Variants in FMN2 observed in about 807,000 individuals in gnomAD.
FMN2 encodes formin 2, also known as formin-2.
FMN2 carries 51 observed loss-of-function variants against 142.3 expected under a neutral mutation model. The observed-to-expected ratio is 0.36, with a 90% CI of 0.29 to 0.45. FMN2 has a LOEUF of 0.45. FMN2 is among the 20% of genes least tolerant of loss of function. The pLI is 1.00. For missense variants in FMN2, 1,936 were observed against 2,122.8 expected (o/e 0.91, Z 1.73); for synonymous variants, 882 against 869.8 (o/e 1.01, Z -0.25).
chr1:240,305,982 C>T (rs1670379469), intron 8 of FMN2, among the ~76,000 whole-genome samples: 2 of 139,758 alleles, frequency 1.4e-5, no homozygotes, highest in African/African-American at 2.8e-5. Flanking sequence ...TGAAATCTTG[C>T]TCTGTCACCC....
At chr1:240,122,707 A>G (rs537733106) in intron 1 of FMN2, among the ~76,000 whole-genome samples, 6 of 152,238 alleles carry the variant, frequency 3.9e-5, no homozygotes, top group African/African-American at 1.4e-4. Flanking sequence ...GCTTAAGCCC[A>G]GGAGTTTGAG....
In FMN2 at chr1:240,098,097, ATTTTTTTTT is replaced by A. The variant is rs35191164; in HGVS notation, c.1615+4386_1615+4394del. 7.5e-4 allele frequency among the ~76,000 whole-genome samples: 74 copies of A among 98,676 alleles called. 1 individual carries two copies. The highest frequency in any genetic ancestry group is 3.3e-3 in the African/African-American group (73 of 21,858). The allele number at this position is 98,676 out of a possible 152,430, so 64.7% of individuals were successfully genotyped here. Reference sequence around the variant, plus strand: ...TTGGCCTTTCTAAAGGTTATCTTGAATTTTTTTTTTTTTTTTTTTTTGGAGACAGATTTC... The same window carrying A: ...TTGGCCTTTCTAAAGGTTATCTTGAATTTTTTTTTTTTGGAGACAGATTTC... On this transcript the variant is annotated intron_variant, in intron 1 of 17. Coordinates refer to ENST00000319653, the MANE Select transcript of FMN2 (RefSeq NM_020066.5).
At chr1:240,124,940 A>T (rs1662440218) in intron 2 of FMN2, among the ~76,000 whole-genome samples, 1 of 152,154 alleles carries the variant, frequency 6.6e-6, no homozygotes. Flanking sequence ...TGCTGGGATT[A>T]CAGGCGTGAG....
Position 240,092,840 on chromosome 1 carries a change from G to T in FMN2, c.731G>T (p.Gly244Val). The change falls in exon 1 of 18, where the codon GGG (glycine) becomes GTG (valine). Residue 244 changes from glycine (G) to valine (V), a missense_variant. Gly to Val is a moderately radical substitution (Grantham distance 109). This residue lies in a region of FMN2 where 751 missense variants were observed against 791.8 expected (regional missense o/e 0.95). Transcript: ENST00000319653. ...CCCACTGCCGTCTCCCCTCAGCCCG[G>T]GGCCTTCCTGGGCCTGGACCGGTTC... is the stretch of plus-strand genomic sequence containing the variant. Reference protein sequence around the residue: ...APPTAVSPQPGAFLGLDRFLL... With the variant: ...APPTAVSPQPVAFLGLDRFLL... The T allele has an allele frequency of 6.4e-7, 1 of 1,553,058 alleles. No homozygotes were observed. The highest frequency in any genetic ancestry group is 8.7e-7 in the Non-Finnish European group (1 of 1,151,472).
At position 240,432,218 on chromosome 1, in the gene FMN2, T is replaced by G. The variant is rs573267503; in HGVS notation, c.4911-5843T>G. Among the ~76,000 whole-genome samples, 81 of 152,106 alleles carry G rather than the reference T, an allele frequency of 5.3e-4. 1 individual carries two copies. The highest frequency in any genetic ancestry group is 8.3e-4 in the South Asian group (4 of 4,826). ...GGGTACTTATATTTTCTGTTTCTTT[T>G]GTCAGTTTTAGAAAGTTCTGTTGTT... On this transcript the variant is annotated intron_variant, in intron 15 of 17. Coordinates refer to ENST00000319653, the MANE Select transcript of FMN2 (RefSeq NM_020066.5).
chr1:240,416,683 G>A (rs1674586917), intron 15 of FMN2, among the ~76,000 whole-genome samples: 1 of 151,298 alleles, frequency 6.6e-6, no homozygotes, highest in Admixed American at 6.6e-5. Context: ...TTTGTAGCCA[G>A]TCTTTTAGGA....
intron 15 of FMN2, among the ~76,000 whole-genome samples, chr1:240,424,532 T>C (rs115449988): frequency 0.01 from 1,579 of 152,320 alleles, 26 homozygotes; most frequent in African/African-American, 0.037. Flanking sequence ...TTAACTTCTC[T>C]GTATGAAGAA....
chr1:240,468,296 A>G (rs1281510063), intron 16 of FMN2, among the ~76,000 whole-genome samples: 4 of 152,046 alleles, frequency 2.6e-5, no homozygotes, highest in Non-Finnish European at 4.4e-5. Flanking sequence ...ACACATATAC[A>G]TATGCACACA....
At chr1:240,205,872 G>A (rs546095931) in intron 4 of FMN2, among the ~76,000 whole-genome samples, 1 of 147,862 alleles carries the variant, frequency 6.8e-6, no homozygotes, top group South Asian at 2.1e-4. Flanking sequence ...CCATATGTTG[G>A]CCAGTTGTTA....
At chr1:240,366,802 C>T (rs1203258259) in intron 14 of FMN2, among the ~76,000 whole-genome samples, 5 of 152,154 alleles carry the variant, frequency 3.3e-5, no homozygotes, top group African/African-American at 9.7e-5. Flanking sequence ...CTGCCCGCCT[C>T]GACCTCCCAA....
At chr1:240,419,415 CA>C (rs67554403) in intron 15 of FMN2, among the ~76,000 whole-genome samples, 3,953 of 147,152 alleles carry the variant, frequency 0.027, 178 homozygotes, top group African/African-American at 0.092. Flanking sequence ...TCCTTATGGG[CA>C]AAAAAAAAAG....
intron 7 of FMN2, chr1:240,285,177 G>C: frequency 2.2e-6 from 1 of 454,118 alleles, no homozygotes; most frequent in South Asian, 1.6e-5. Flanking sequence ...GTCTGAGAAT[G>C]GGGTGGTAGG....
intron 2 of FMN2, among the ~76,000 whole-genome samples, chr1:240,131,666 A>ACTATTGCACTCCAGC (rs1365060176): frequency 6.6e-6 from 1 of 151,978 alleles, no homozygotes; most frequent in African/African-American, 2.4e-5. Flanking sequence ...CCAAGATCGC[A>ACTATTGCACTCCAGC]CTATTGCACT....
chr1:240,339,100 T>C (rs892262764), intron 13 of FMN2, among the ~76,000 whole-genome samples: 4 of 152,218 alleles, frequency 2.6e-5, no homozygotes, highest in Non-Finnish European at 5.9e-5. Context: ...TAAATACAGA[T>C]GAAGCTTTGC....
chr1:240,176,491 G>C (rs1339697914), intron 2 of FMN2, among the ~76,000 whole-genome samples: 1 of 152,162 alleles, frequency 6.6e-6, no homozygotes, highest in Non-Finnish European at 1.5e-5. Context: ...TCCTAAACTA[G>C]AGGTGGGAGG....
intron 2 of FMN2, among the ~76,000 whole-genome samples, chr1:240,164,336 C>G (rs1045164700): frequency 3.9e-5 from 6 of 152,300 alleles, no homozygotes; most frequent in African/African-American, 1.4e-4. Context: ...TAATAAATTT[C>G]ACTTCCAAGT....
At position 240,473,559 on chromosome 1, in the gene FMN2, GT is replaced by G. The variant is rs748765873; in HGVS notation, c.5143-560del. ...AATTGGGATATGATTAAATAGCCCTGTTTTTTTTTAAAAAGTTAGGAATTAT... is the reference window on the plus strand; with the variant it reads ...AATTGGGATATGATTAAATAGCCCTGTTTTTTTTAAAAAGTTAGGAATTAT... On this transcript the variant is annotated intron_variant, in intron 17 of 17. Coordinates refer to ENST00000319653, the MANE Select transcript of FMN2 (RefSeq NM_020066.5). This position sits in a 1 kb window ranked among gnomAD's most constrained non-coding sequence, Gnocchi z 4.3. 2.6e-5 allele frequency among the ~76,000 whole-genome samples: 4 copies of G among 151,522 alleles called. No individual in the cohort carries two copies. Among genetic ancestry groups the G allele is most frequent in the Non-Finnish European group, 4.4e-5 (3 of 67,836 alleles).
At chr1:240,302,382 C>T (rs934394757) in intron 8 of FMN2, among the ~76,000 whole-genome samples, 5 of 151,806 alleles carry the variant, frequency 3.3e-5, no homozygotes, top group Non-Finnish European at 5.9e-5. Context: ...AAAATTCTTA[C>T]ACTTATCAAG....
chr1:240,179,042 G>T (rs1052869473), intron 3 of FMN2, among the ~76,000 whole-genome samples: 2 of 152,030 alleles, frequency 1.3e-5, no homozygotes, highest in African/African-American at 4.8e-5. Context: ...TGTAATCTTA[G>T]GCAAATTTCC....
Sources: allele counts gnomAD v4.1 joint callset (sites outside exome capture counted in the v4.1 genomes callset), GRCh38; gene constraint gnomAD v4.1.1; regional missense constraint gnomAD v4.1.1; non-coding constraint Gnocchi (gnomAD v3.1); transcripts MANE v1.5; gene names NCBI Gene and HGNC (gene_info 2026-07-23, HGNC 2026-07-21).